Variants in ZNF227 observed in about 807,000 individuals in gnomAD.
ZNF227 encodes the protein zinc finger protein 227.
A neutral mutation model predicts 13.2 loss-of-function variants in ZNF227; 12 were observed. The ratio of observed to expected loss-of-function variants is 0.91; its 90% CI spans 0.58 to 1.47. ZNF227 has a LOEUF of 1.47. ZNF227 is among the 40% of genes most tolerant of loss of function. The pLI is 0.00. For synonymous variants in ZNF227, 338 were observed against 326.0 expected, an observed-to-expected ratio of 1.04 and a Z score of -0.40; for missense variants, 885 against 967.5, an observed-to-expected ratio of 0.91 and a Z score of 1.13.
intron 4 of ZNF227, 126 bp downstream of exon 4, chr19:44,228,698 C>A: frequency 8.4e-7 from 1 of 1,184,666 alleles, no homozygotes; most frequent in Admixed American, 3.0e-5. Flanking sequence ...TTTTCTAATC[C>A]CTGGGAAAAC....
In ZNF227 at chr19:44,235,861, A is replaced by C; in HGVS notation, c.1431A>C (p.Thr477=). The stretch of plus-strand genomic sequence containing the variant: ...GTGGGAAAGGCTTTACCCGTAATAC[A>C]GATCTGCATATTCATTTCAGAGTTC... ...EACGKGFTRN[T]DLHIHFRVHT... Residue 477 remains threonine (T), a synonymous_variant, in exon 6 of 6, where the codon ACA becomes ACC. Coordinates refer to ENST00000313040, the MANE Select transcript of ZNF227 (RefSeq NM_182490.3). The C allele has an allele frequency of 6.2e-7, 1 of 1,613,952 alleles. No homozygotes were observed. Among genetic ancestry groups the C allele is most frequent in the Non-Finnish European group, 8.5e-7 (1 of 1,179,998 alleles).
chr19:44,214,486 C>A (rs2122660075), intron 2 of ZNF227, among the ~76,000 whole-genome samples: 1 of 151,956 alleles, frequency 6.6e-6, no homozygotes, highest in African/African-American at 2.4e-5. Flanking sequence ...TCAAGTGATT[C>A]TCCTGCATCA....
At chr19:44,226,019 T>A (rs906113085) in intron 3 of ZNF227, among the ~76,000 whole-genome samples, 3 of 152,230 alleles carry the variant, frequency 2.0e-5, no homozygotes, top group Non-Finnish European at 2.9e-5. Flanking sequence ...TGGAGTTTGC[T>A]AGAGGTCCAC....
At position 44,235,011 on chromosome 19, in the gene ZNF227, A is replaced by G. The variant is rs759874039; in HGVS notation, c.581A>G (p.Gln194Arg). ...SESQIQSRGK[Q>R]IDVKNNLQIH... is the part of the protein sequence containing the mutation. ...TCACAGATTCAGAGTAGAGGTAAGC[A>G]AATTGATGTGAAAAATAACCTGCAA... Residue 194 changes from glutamine (Q) to arginine (R), a missense_variant, in exon 6 of 6, where the codon CAA becomes CGA. Transcript: ENST00000313040. 5 of 1,614,084 alleles carry G rather than the reference A, an allele frequency of 3.1e-6. No individual in the cohort carries two copies. The highest frequency in any genetic ancestry group is 3.4e-6 in the Non-Finnish European group (4 of 1,180,044).
In ZNF227 at chr19:44,235,911, G is replaced by A; in HGVS notation, c.1481G>A (p.Cys494Tyr). The A allele has an allele frequency of 1.2e-6, 2 of 1,614,160 alleles. No homozygotes were observed. Among genetic ancestry groups the A allele is most frequent in the Non-Finnish European group, 1.7e-6 (2 of 1,180,026 alleles). Reference protein sequence around the residue: ...RVHTGEKPYKCKECGKGFSQA... With the variant: ...RVHTGEKPYKYKECGKGFSQA... Reference sequence around the variant, plus strand: ...CACACGGGAGAGAAACCCTATAAATGTAAGGAGTGTGGTAAGGGCTTCAGT... The same window carrying A: ...CACACGGGAGAGAAACCCTATAAATATAAGGAGTGTGGTAAGGGCTTCAGT... The change falls in exon 6 of 6, where the codon TGT becomes TAT. Residue 494 changes from cysteine to tyrosine, a missense_variant. Coordinates refer to ENST00000313040, the MANE Select transcript of ZNF227 (RefSeq NM_182490.3).
intron 2 of ZNF227, among the ~76,000 whole-genome samples, chr19:44,216,958 G>GTTTTTTTTTTTTTTTT (rs35474532): frequency 2.2e-5 from 2 of 91,646 alleles, no homozygotes; most frequent in Non-Finnish European, 2.1e-5. Context: ...TCATCTGCTT[G>GTTTTTTTTTTTTTTTT]TTTTTTTTTT....
At chr19:44,223,443 C>A (rs546630151) in intron 3 of ZNF227, among the ~76,000 whole-genome samples, 5,532 of 152,158 alleles carry the variant, frequency 0.036, 323 homozygotes, top group African/African-American at 0.12. Context: ...AATTTCAGAG[C>A]CTGTTATTGG....
chr19:44,211,068 G>C (rs1262252520), upstream of ZNF227, among the ~76,000 whole-genome samples: 1 of 151,908 alleles, frequency 6.6e-6, no homozygotes, highest in East Asian at 1.9e-4. Flanking sequence ...GTGGGGAGGG[G>C]GGTGCCTATA....
intron 2 of ZNF227, among the ~76,000 whole-genome samples, chr19:44,214,141 T>TTTTTG (rs1971602089): frequency 6.6e-6 from 1 of 152,162 alleles, no homozygotes; most frequent in South Asian, 2.1e-4. Flanking sequence ...CCTATTTTTG[T>TTTTTG]TTTTGTTTTT....
At chr19:44,209,040 A>C (rs1971277838), upstream of ZNF227, among the ~76,000 whole-genome samples, 1 of 152,104 alleles carries the variant, frequency 6.6e-6, no homozygotes, top group Non-Finnish European at 1.5e-5. Flanking sequence ...ACGGCACTGC[A>C]CTCCAGCTTG....
Position 44,237,072 on chromosome 19 carries a change from A to G in ZNF227, c.*242A>G. 2 of 411,056 alleles carry G rather than the reference A, an allele frequency of 4.9e-6. No homozygotes were observed. Among genetic ancestry groups the G allele is most frequent in the South Asian group, 1.2e-4 (2 of 17,060 alleles). 25.5% of individuals were successfully genotyped at this position (411,056 alleles called of 1,614,324 possible). On this transcript the variant is annotated 3_prime_UTR_variant, in exon 6 of 6. Coordinates refer to ENST00000313040, the MANE Select transcript of ZNF227 (RefSeq NM_182490.3). ...TAAGATCTAGTTAATATAAATGATC[A>G]CCTTTCATTGTGAATATATGCCTGA...
In ZNF227 at chr19:44,234,967, G is replaced by C. The variant is rs1974269808; in HGVS notation, c.537G>C (p.Gly179=). 1 of 1,614,046 alleles carries C rather than the reference G, an allele frequency of 6.2e-7. No homozygotes were observed. Among genetic ancestry groups the C allele is most frequent in the Non-Finnish European group, 8.5e-7 (1 of 1,180,020 alleles). ...FPFWRTQHSC[G]NTYLSESQIQ... is the part of the protein sequence containing the mutation. ...TTTGGAGAACCCAGCATTCTTGCGG[G>C]AATACATATCTGAGTGAGTCACAGA... Residue 179 remains glycine, a synonymous_variant, in exon 6 of 6, where the codon GGG becomes GGC. Transcript: ENST00000313040.
intron 2 of ZNF227, 84 bp from the exon 3 acceptor site, chr19:44,217,707 G>A (rs773423584): frequency 3.8e-5 from 54 of 1,420,008 alleles, no homozygotes; most frequent in Non-Finnish European, 4.8e-5. Context: ...CTGTCTGAAT[G>A]TAGGGCTATT....
At chr19:44,229,646 A>C in intron 4 of ZNF227, 87 bp from the exon 5 acceptor site, 5 of 672,376 alleles carry the variant, frequency 7.4e-6, no homozygotes, top group South Asian at 3.4e-5. Flanking sequence ...ATATCACTAT[A>C]GAGGTTGTGA....
At position 44,235,871 on chromosome 19, in the gene ZNF227, A is replaced by T. The variant is rs1568619313; in HGVS notation, c.1441A>T (p.Ile481Phe). The T allele has an allele frequency of 1.2e-6, 2 of 1,613,528 alleles. No homozygotes were observed. Among genetic ancestry groups the T allele is most frequent in the Non-Finnish European group, 1.7e-6 (2 of 1,179,872 alleles). ...KGFTRNTDLH[I>F]HFRVHTGEKP... ...CTTTACCCGTAATACAGATCTGCATATTCATTTCAGAGTTCACACGGGAGA... is the reference window on the plus strand; with the variant it reads ...CTTTACCCGTAATACAGATCTGCATTTTCATTTCAGAGTTCACACGGGAGA... The change falls in exon 6 of 6, where the codon ATT becomes TTT. Residue 481 changes from isoleucine (I) to phenylalanine (F), a missense_variant. Transcript: ENST00000313040.
chr19:44,221,468 A>T (rs1972505956), intron 3 of ZNF227, among the ~76,000 whole-genome samples: 1 of 152,068 alleles, frequency 6.6e-6, no homozygotes, highest in Non-Finnish European at 1.5e-5. Flanking sequence ...CTGGTGTGAG[A>T]TGGTATCTCA....
At position 44,236,417 on chromosome 19, in the gene ZNF227, G is replaced by C. The variant is rs1166603037; in HGVS notation, c.1987G>C (p.Asp663His). The C allele has an allele frequency of 1.2e-6, 2 of 1,613,792 alleles. No individual in the cohort carries two copies. The highest frequency in any genetic ancestry group is 2.7e-5 in the African/African-American group (2 of 74,824). The stretch of plus-strand genomic sequence containing the variant: ...CACGGGGGAAAAGCCATACAAATGT[G>C]ATGTGTGTGGAAAGGGCTTTAGATA... ...VHTGEKPYKC[D>H]VCGKGFRYSS... The change falls in exon 6 of 6, where the codon GAT becomes CAT. Residue 663 changes from aspartate (D) to histidine (H), a missense_variant. Transcript: ENST00000313040.
Position 44,234,799 on chromosome 19 carries a change from T to C in ZNF227, c.369T>C (p.Val123=). Residue 123 remains valine (V), a synonymous_variant, in exon 6 of 6, where the codon GTT becomes GTC. Coordinates refer to ENST00000313040, the MANE Select transcript of ZNF227 (RefSeq NM_182490.3). ...CCTGCTGGCAAATCTGGAAACAGGTTGCAAGTGAATTAACCAGGTGTCTTC... is the reference window on the plus strand; with the variant it reads ...CCTGCTGGCAAATCTGGAAACAGGTCGCAAGTGAATTAACCAGGTGTCTTC... The part of the protein sequence containing the change: ...ELSCWQIWKQ[V]ASELTRCLQG... The C allele has an allele frequency of 6.2e-7, 1 of 1,614,072 alleles. No homozygotes were observed. The highest frequency in any genetic ancestry group is 8.5e-7 in the Non-Finnish European group (1 of 1,180,022).
At position 44,220,621 on chromosome 19, in the gene ZNF227, C is replaced by G. The variant is rs981308569; in HGVS notation, c.60+2769C>G. Among the ~76,000 whole-genome samples, 3 of 152,208 alleles carry G rather than the reference C, an allele frequency of 2.0e-5. No individual in the cohort carries two copies. The East Asian group carries it at 5.8e-4, about 29-fold the overall frequency. Reference sequence around the variant, plus strand: ...AGACTGGAGATGACAGTGGTGAATTCTAGTCCTACTCACTGGATATCAGCA... The same window carrying G: ...AGACTGGAGATGACAGTGGTGAATTGTAGTCCTACTCACTGGATATCAGCA... On this transcript the variant is annotated intron_variant, in intron 3 of 5. Transcript: ENST00000313040.
Sources: gnomAD v4.1 joint callset for allele counts (sites outside exome capture counted in the v4.1 genomes callset) on GRCh38, gnomAD v4.1.1 for gene constraint, MANE v1.5 for transcripts, NCBI Gene and HGNC (gene_info 2026-07-23, HGNC 2026-07-21) for gene names.